RRP15: variants seen among roughly 807,000 people sequenced by gnomAD.
RRP15 encodes ribosomal RNA processing 15 homolog.
Under a neutral mutation model 27.1 loss-of-function variants are expected in RRP15, and 18 were observed. The observed-to-expected ratio is 0.66, with a 90% CI of 0.46 to 0.98. The LOEUF (loss-of-function observed/expected upper bound fraction) is 0.98, where lower values mean the gene tolerates loss of function less well. RRP15 is among the 50% of genes least tolerant of loss of function. The probability of loss-of-function intolerance (pLI) is 0.00; values close to 1 mark genes in which losing one functional copy is unlikely to be tolerated. For missense variants in RRP15, 359 were observed against 337.8 expected, an observed-to-expected ratio of 1.06 and a Z score of -0.49; for synonymous variants, 107 against 109.4, an observed-to-expected ratio of 0.98 and a Z score of 0.14.
chr1:218,315,707 G>A (rs927758991), intron 4 of RRP15, among the ~76,000 whole-genome samples: 1 of 151,306 alleles, frequency 6.6e-6, no homozygotes, highest in Non-Finnish European at 1.5e-5. Context: ...CCTCCGACCT[G>A]GGCCTCCCAA....
intron 4 of RRP15, among the ~76,000 whole-genome samples, chr1:218,311,150 C>T (rs1571802081): frequency 6.6e-6 from 1 of 152,076 alleles, no homozygotes; most frequent in Admixed American, 6.5e-5. Flanking sequence ...ATAAAATAAC[C>T]ACTGCCCTTT....
rs374210203 is a variant in RRP15, at chr1:218,305,099, G to C, written c.477G>C (p.Glu159Asp). 8.1e-6 allele frequency: 13 copies of C among 1,613,666 alleles called. No individual in the cohort carries two copies. The highest frequency in any genetic ancestry group is 1.1e-5 in the South Asian group (1 of 91,076). ...KPDVVQDKET[E>D]RNLQRIATRG... ...ATGTTGTCCAAGACAAAGAGACAGAGAGAAATCTTCAGAGAATTGCAACAA... is the reference window on the plus strand; with the variant it reads ...ATGTTGTCCAAGACAAAGAGACAGACAGAAATCTTCAGAGAATTGCAACAA... Residue 159 changes from glutamate (E) to aspartate (D), a missense_variant, in exon 3 of 5, where the codon GAG becomes GAC. Coordinates refer to ENST00000366932, the MANE Select transcript of RRP15 (RefSeq NM_016052.4).
chr1:218,328,447 A>G (rs1001553404), intron 4 of RRP15, among the ~76,000 whole-genome samples: 2 of 151,950 alleles, frequency 1.3e-5, no homozygotes, highest in Admixed American at 6.5e-5. Flanking sequence ...CAGATCATGA[A>G]GTCAGGAGAT....
intron 3 of RRP15, among the ~76,000 whole-genome samples, chr1:218,305,428 C>G (rs1655884436): frequency 6.6e-6 from 1 of 152,202 alleles, no homozygotes; most frequent in Non-Finnish European, 1.5e-5. Context: ...AAATTTGTGG[C>G]ACTCAATGAT....
chr1:218,308,358 C>CCCCG (rs1655936841), intron 4 of RRP15, among the ~76,000 whole-genome samples: 1 of 151,882 alleles, frequency 6.6e-6, no homozygotes, highest in Non-Finnish European at 1.5e-5. Flanking sequence ...AGGTGTGAGC[C>CCCCG]ACCGAGCCCA....
chr1:218,305,095 CAGAG>C lies in RRP15; in HGVS notation c.477_480del (p.Arg160IlefsTer35), dbSNP rs769888230. On this transcript the variant is annotated frameshift_variant, in exon 3 of 5. Transcript: ENST00000366932. LOFTEE classifies it high-confidence loss of function. ...CCAGATGTTGTCCAAGACAAAGAGA[CAGAG>C]AGAAATCTTCAGAGAATTGCAACAA... The C allele has an allele frequency of 1.4e-5, 23 of 1,613,488 alleles. No homozygotes were observed.
At chr1:218,318,160 T>G (rs1464528883) in intron 4 of RRP15, among the ~76,000 whole-genome samples, 1 of 152,200 alleles carries the variant, frequency 6.6e-6, no homozygotes, top group East Asian at 1.9e-4. Flanking sequence ...TATCTGCCTT[T>G]CTCTCCATCT....
chr1:218,289,354 T>C (rs1655598169), intron 1 of RRP15, among the ~76,000 whole-genome samples: 1 of 152,210 alleles, frequency 6.6e-6, no homozygotes, highest in Admixed American at 6.5e-5. Context: ...TGCTTCCTAG[T>C]AGAAAACTGT....
intron 4 of RRP15, among the ~76,000 whole-genome samples, chr1:218,330,074 C>G (rs1656342538): frequency 6.6e-6 from 1 of 152,048 alleles, no homozygotes. Context: ...AATAGATATG[C>G]ATAGACTGTT....
intron 4 of RRP15, among the ~76,000 whole-genome samples, chr1:218,308,062 C>CTTTTTTTTTTTTTTTTTT (rs56813511): frequency 7.5e-5 from 5 of 66,928 alleles, no homozygotes; most frequent in Admixed American, 1.9e-4. Flanking sequence ...TTCTTTCTTT[C>CTTTTTTTTTTTTTTTTTT]TTTTTTTTTT....
At chr1:218,296,846 A>G (rs1005712697) in intron 1 of RRP15, among the ~76,000 whole-genome samples, 1 of 152,184 alleles carries the variant, frequency 6.6e-6, no homozygotes, top group East Asian at 1.9e-4. Context: ...ATTCCCTGGC[A>G]TACGAGTTAT....
At chr1:218,317,196 C>T (rs1373412229) in intron 4 of RRP15, among the ~76,000 whole-genome samples, 1 of 152,344 alleles carries the variant, frequency 6.6e-6, no homozygotes, top group Non-Finnish European at 1.5e-5. Context: ...TTACGTGATA[C>T]ACAATGACTC....
At chr1:218,309,907 C>A (rs1571801379) in intron 4 of RRP15, among the ~76,000 whole-genome samples, 1 of 152,174 alleles carries the variant, frequency 6.6e-6, no homozygotes, top group South Asian at 2.1e-4. Context: ...TAAGTGGCTA[C>A]CCCTGTGTGA....
chr1:218,300,176 A>G (rs1314341482), intron 1 of RRP15, among the ~76,000 whole-genome samples: 1 of 152,174 alleles, frequency 6.6e-6, no homozygotes, highest in Non-Finnish European at 1.5e-5. Context: ...CTCTATTAGC[A>G]TGATAGAATT....
intron 1 of RRP15, among the ~76,000 whole-genome samples, chr1:218,300,938 G>A (rs528030409): frequency 1.3e-5 from 2 of 152,250 alleles, no homozygotes; most frequent in East Asian, 3.9e-4. Context: ...GTAAAGTAAG[G>A]AGCAGCAGGA....
At chr1:218,317,314 T>C (rs1656104606) in intron 4 of RRP15, among the ~76,000 whole-genome samples, 2 of 152,220 alleles carry the variant, frequency 1.3e-5, no homozygotes, top group African/African-American at 2.4e-5. Context: ...CCACTTCCAA[T>C]AGAAAACTTC....
At chr1:218,295,281 G>C (rs1304165045) in intron 1 of RRP15, among the ~76,000 whole-genome samples, 2 of 152,096 alleles carry the variant, frequency 1.3e-5, no homozygotes, top group African/African-American at 4.8e-5. Flanking sequence ...CTCTAACTAG[G>C]TTCTTAAGAT....
At position 218,332,233 on chromosome 1, in the gene RRP15, A is replaced by C. The variant is rs1439375008; in HGVS notation, c.*1142A>C. 3 of 152,154 alleles carry C rather than the reference A, an allele frequency of 2.0e-5. No individual in the cohort carries two copies. The highest frequency in any genetic ancestry group is 2.9e-5 in the Non-Finnish European group (2 of 68,026). 9.4% of individuals were successfully genotyped at this position (152,154 alleles called of 1,614,324 possible). Reference sequence around the variant, plus strand: ...GACTGCCCAACCAGTGAATTGATGCACTTAGACAACAAGTAATCTGCAGCA... The same window carrying C: ...GACTGCCCAACCAGTGAATTGATGCCCTTAGACAACAAGTAATCTGCAGCA... On this transcript the variant is annotated 3_prime_UTR_variant, in exon 5 of 5. Coordinates refer to ENST00000366932, the MANE Select transcript of RRP15 (RefSeq NM_016052.4).
intron 4 of RRP15, among the ~76,000 whole-genome samples, chr1:218,318,219 C>T (rs571650911): frequency 2.0e-5 from 3 of 151,982 alleles, no homozygotes; most frequent in East Asian, 1.9e-4. Flanking sequence ...CCCCCATGTG[C>T]CCCGAAGATT....
Sources: allele counts gnomAD v4.1 joint callset (sites outside exome capture counted in the v4.1 genomes callset), GRCh38; gene constraint gnomAD v4.1.1; transcripts MANE v1.5; gene names NCBI Gene and HGNC (gene_info 2026-07-23, HGNC 2026-07-21).